Variants in MSANTD2 observed in about 807,000 individuals in gnomAD.
MSANTD2 encodes Myb/SANT DNA binding domain containing 2, also known as myb/SANT-like DNA-binding domain-containing protein 2.
Under a neutral mutation model 52.6 loss-of-function variants are expected in MSANTD2, and 19 were observed. That is an observed-to-expected ratio of 0.36 (90% CI 0.25 to 0.53). MSANTD2 has a LOEUF of 0.53. Ranked by LOEUF, MSANTD2 falls within the 20% of genes least tolerant of loss-of-function variation. The pLI, the probability that MSANTD2 is intolerant of heterozygous loss-of-function variation, is 0.91. For missense variants in MSANTD2, 558 were observed against 716.3 expected, an observed-to-expected ratio of 0.78 and a Z score of 2.52; for synonymous variants, 291 against 289.7, an observed-to-expected ratio of 1.00 and a Z score of -0.04.
At position 124,799,899 on chromosome 11, in the gene MSANTD2, G is replaced by A; in HGVS notation, c.482C>T (p.Thr161Ile). ...RALAELGYER[T>I]PSQCRERIKT... is the part of the protein sequence containing the mutation. ...GATGCGCTCCCGGCACTGGGACGGG[G>A]TCCGCTCGTAGCCCAGCTCGGCCAG... Residue 161 changes from threonine (T) to isoleucine (I), a missense_variant, in exon 1 of 4, where the codon ACC becomes ATC. Thr to Ile is a moderately conservative substitution (Grantham distance 89). This residue lies in a region of MSANTD2 where 408 missense variants were observed against 573.6 expected (regional missense o/e 0.71). Coordinates refer to ENST00000374979, the MANE Select transcript of MSANTD2 (RefSeq NM_001308027.2). 6.3e-7 allele frequency: 1 copy of A among 1,584,438 alleles called. No individual in the cohort carries two copies. The highest frequency in any genetic ancestry group is 8.5e-7 in the Non-Finnish European group (1 of 1,173,560).
intron 1 of MSANTD2, chr11:124,791,905 A>T (rs148121801): frequency 2.8e-6 from 1 of 359,856 alleles, no homozygotes; most frequent in African/African-American, 2.1e-5. Flanking sequence ...AACATATCAG[A>T]GTATATTACA....
Position 124,779,726 on chromosome 11 carries a change from C to T in MSANTD2, c.511-4752G>A, listed in dbSNP as rs985594236. Among the ~76,000 whole-genome samples, 1 of 152,216 alleles carries T rather than the reference C, an allele frequency of 6.6e-6. No individual in the cohort carries two copies. Among genetic ancestry groups the T allele is most frequent in the African/African-American group, 2.4e-5 (1 of 41,440 alleles). ...AAATGTAGCTGTCAAGCTGGCCACA[C>T]TGGAAATGGATTACATAGTTATCTT... On this transcript the variant is annotated intron_variant, in intron 1 of 3. Transcript: ENST00000374979. This position sits in a 1 kb window ranked among gnomAD's most constrained non-coding sequence, Gnocchi z 4.6.
At position 124,767,239 on chromosome 11, in the gene MSANTD2, G is replaced by A. The variant is rs368326086; in HGVS notation, c.1617C>T (p.Ser539=). 3.0e-5 allele frequency: 49 copies of A among 1,613,826 alleles called. No homozygotes were observed. The highest frequency in any genetic ancestry group is 1.2e-4 in the Admixed American group (7 of 59,970). ...KFVEVERDFL[S]AGSLVECLEK... Reference sequence around the variant, plus strand: ...CCAGGCACTCAACTAAAGAGCCTGCGGAAAGAAAATCCCTCTCTACTTCTA... The same window carrying A: ...CCAGGCACTCAACTAAAGAGCCTGCAGAAAGAAAATCCCTCTCTACTTCTA... The change falls in exon 4 of 4, where the codon TCC becomes TCT. Residue 539 remains serine, a synonymous_variant. Coordinates refer to ENST00000374979, the MANE Select transcript of MSANTD2 (RefSeq NM_001308027.2). This position sits in a 1 kb window ranked among gnomAD's most constrained non-coding sequence, Gnocchi z 6.5.
At chr11:124,768,733 A>C (rs1027014328) in intron 3 of MSANTD2, among the ~76,000 whole-genome samples, 8 of 152,224 alleles carry the variant, frequency 5.3e-5, no homozygotes, top group African/African-American at 1.2e-4. Flanking sequence ...CTTAGATTTC[A>C]AGAGAGCAAC....
intron 1 of MSANTD2, chr11:124,775,262 A>AC: frequency 4.4e-6 from 1 of 225,048 alleles, no homozygotes; most frequent in Non-Finnish European, 8.8e-6. Flanking sequence ...TTATACCCCC[A>AC]CCCCCATTTA....
Position 124,800,273 on chromosome 11 carries a change from T to G in MSANTD2, c.108A>C (p.Pro36=), listed in dbSNP as rs1056346112. ...GAGGCGTGGAAGGGTCGGACAGCGA[T>G]GGATTTCCGTCGCTCAGGCCACCAG... The part of the protein sequence containing the change: ...ASPGGLSDGN[P]SLSDPSTPRG... Residue 36 remains proline, a synonymous_variant, in exon 1 of 4, where the codon CCA becomes CCC. Coordinates refer to ENST00000374979, the MANE Select transcript of MSANTD2 (RefSeq NM_001308027.2). The surrounding 1 kb of genome is among the most constrained non-coding windows in gnomAD (Gnocchi z 4.3). The G allele has an allele frequency of 1.9e-6, 3 of 1,569,108 alleles. No homozygotes were observed. In the African/African-American group the frequency reaches 4.2e-5, roughly 22 times the overall value.
chr11:124,791,958 T>C (rs1053263425), intron 1 of MSANTD2: 2 of 239,638 alleles, frequency 8.3e-6, no homozygotes, highest in African/African-American at 2.3e-5. Flanking sequence ...AGTTAATATT[T>C]ACAAAGCACT....
chr11:124,791,531 C>A, intron 1 of MSANTD2: 1 of 1,136,652 alleles, frequency 8.8e-7, no homozygotes, highest in Non-Finnish European at 1.3e-6. Context: ...AATGAAACGA[C>A]AGAAGGGTGC....
At chr11:124,775,198 A>G (rs1284186760) in intron 1 of MSANTD2, 1 of 476,918 alleles carries the variant, frequency 2.1e-6, no homozygotes, top group East Asian at 3.6e-5. Flanking sequence ...TTAATTATCC[A>G]TTAAACAACA....
chr11:124,782,597 A>G (rs1415944642), intron 1 of MSANTD2, among the ~76,000 whole-genome samples: 1 of 152,230 alleles, frequency 6.6e-6, no homozygotes, highest in Admixed American at 6.5e-5. Context: ...TGGCATATGA[A>G]AATTATCAAA....
chr11:124,799,962 G>T lies in MSANTD2; in HGVS notation c.419C>A (p.Ala140Asp). The T allele has an allele frequency of 6.3e-7, 1 of 1,585,046 alleles. No homozygotes were observed. Among genetic ancestry groups the T allele is most frequent in the Non-Finnish European group, 8.5e-7 (1 of 1,174,610 alleles). Reference sequence around the variant, plus strand: ...GCGCTCGTACATGGCTGGCCCGGGGGCCTTGCTGCCGAACACCGTGCCGGC... The same window carrying T: ...GCGCTCGTACATGGCTGGCCCGGGGTCCTTGCTGCCGAACACCGTGCCGGC... ...EGAGTVFGSK[A>D]PGPAMYERVS... Residue 140 changes from alanine (A) to aspartate (D), a missense_variant, in exon 1 of 4, where the codon GCC becomes GAC. Physicochemically the swap from Ala to Asp is moderately radical, Grantham distance 126 (BLOSUM62 -2). Transcript: ENST00000374979.
intron 1 of MSANTD2, chr11:124,790,627 C>G (rs1191764774): frequency 6.6e-6 from 1 of 152,254 alleles, no homozygotes. Context: ...TGCTTCCAGT[C>G]TTACTCTTTT....
At chr11:124,769,109 G>A (rs1374155249) in intron 3 of MSANTD2, among the ~76,000 whole-genome samples, 1 of 152,104 alleles carries the variant, frequency 6.6e-6, no homozygotes, top group Non-Finnish European at 1.5e-5. Flanking sequence ...CTTGAAAACG[G>A]GCTCTGGAAG....
In MSANTD2 at chr11:124,800,329, G is replaced by C. The variant is rs1945659726; in HGVS notation, c.52C>G (p.Pro18Ala). The C allele has an allele frequency of 3.2e-6, 5 of 1,560,796 alleles. No homozygotes were observed. Among genetic ancestry groups the C allele is most frequent in the Middle Eastern group, 1.7e-4 (1 of 5,920 alleles). ...ELPANSPLKI[P>A]KMEVLSPASP... ...GCCGGGGAAAGCACCTCCATCTTCGGAATTTTTAGCGGCGAGTTGGCGGGC... is the reference window on the plus strand; with the variant it reads ...GCCGGGGAAAGCACCTCCATCTTCGCAATTTTTAGCGGCGAGTTGGCGGGC... Residue 18 changes from proline (P) to alanine (A), a missense_variant, in exon 1 of 4, where the codon CCG becomes GCG. Transcript: ENST00000374979. This position sits in a 1 kb window ranked among gnomAD's most constrained non-coding sequence, Gnocchi z 4.3.
chr11:124,781,276 TC>T (rs777442488), intron 1 of MSANTD2, among the ~76,000 whole-genome samples: 4 of 151,974 alleles, frequency 2.6e-5, no homozygotes, highest in East Asian at 3.9e-4. Flanking sequence ...GGGCAAGAAA[TC>T]TTTTTTCTGA....
chr11:124,794,464 T>G (rs2135272129), intron 1 of MSANTD2, among the ~76,000 whole-genome samples: 1 of 152,308 alleles, frequency 6.6e-6, no homozygotes, highest in South Asian at 2.1e-4. Flanking sequence ...CAGGTAACAT[T>G]GGGATGGTAA....
At chr11:124,775,186 A>G in intron 1 of MSANTD2, 1 of 508,450 alleles carries the variant, frequency 2.0e-6, no homozygotes, top group Non-Finnish European at 3.4e-6. Context: ...ATTATTTTGC[A>G]ATTAATTATC....
chr11:124,777,601 C>T (rs1944793277), intron 1 of MSANTD2, among the ~76,000 whole-genome samples: 1 of 152,226 alleles, frequency 6.6e-6, no homozygotes, highest in African/African-American at 2.4e-5. Flanking sequence ...TCAGGTGACA[C>T]ATTTTACAAT....
At chr11:124,787,604 G>T (rs1945202135) in intron 1 of MSANTD2, among the ~76,000 whole-genome samples, 1 of 152,052 alleles carries the variant, frequency 6.6e-6, no homozygotes, top group South Asian at 2.1e-4. Flanking sequence ...TGGTCTCAAT[G>T]ATTTTTTTGA....
Sources: gnomAD v4.1 joint callset for allele counts (sites outside exome capture counted in the v4.1 genomes callset) on GRCh38, gnomAD v4.1.1 for gene constraint, gnomAD v4.1.1 regional missense constraint, Gnocchi (gnomAD v3.1) non-coding constraint, MANE v1.5 for transcripts, NCBI Gene and HGNC (gene_info 2026-07-23, HGNC 2026-07-21) for gene names.